INPP4B: variants seen among roughly 807,000 people sequenced by gnomAD.
The protein encoded by INPP4B is inositol polyphosphate 4-phosphatase type II.
In INPP4B, 55 loss-of-function variants were observed where a neutral mutation model predicts 122.5. That is an observed-to-expected ratio of 0.45 (90% CI 0.36 to 0.56). The LOEUF (loss-of-function observed/expected upper bound fraction) is 0.56. INPP4B is among the 20% of genes least tolerant of loss of function. INPP4B has a pLI of 0.00. For synonymous variants in INPP4B, 403 were observed against 388.7 expected, an observed-to-expected ratio of 1.04 and a Z score of -0.43; for missense variants, 1,000 against 1,097.7, an observed-to-expected ratio of 0.91 and a Z score of 1.26.
At chr4:142,404,258 C>T (rs1022262321) in intron 6 of INPP4B, among the ~76,000 whole-genome samples, 6 of 152,152 alleles carry the variant, frequency 3.9e-5, no homozygotes, top group Non-Finnish European at 8.8e-5. Context: ...CAGTCTGAAT[C>T]ATTTATTCCA....
chr4:142,498,146 C>T (rs1419901471), intron 2 of INPP4B, among the ~76,000 whole-genome samples: 1 of 147,578 alleles, frequency 6.8e-6, no homozygotes, highest in Non-Finnish European at 1.5e-5. Flanking sequence ...TGTATACATA[C>T]ATATGTGTAT....
intron 7 of INPP4B, among the ~76,000 whole-genome samples, chr4:142,355,268 T>C (rs1173020137): frequency 4.6e-5 from 7 of 152,038 alleles, no homozygotes; most frequent in African/African-American, 1.7e-4. Context: ...CACCTCTTTA[T>C]AGGAGGAGCT....
At chr4:142,432,729 G>C (rs533145164) in intron 3 of INPP4B, among the ~76,000 whole-genome samples, 121 of 152,118 alleles carry the variant, frequency 8.0e-4, no homozygotes, top group Admixed American at 7.9e-3. Flanking sequence ...TGTGTGACTT[G>C]GACATGAGGA....
Position 142,828,293 on chromosome 4 carries a change from T to G in INPP4B, c.-254+17916A>C, listed in dbSNP as rs573800723. 9.2e-4 allele frequency among the ~76,000 whole-genome samples: 140 copies of G among 152,194 alleles called. 1 individual carries two copies. The highest frequency in any genetic ancestry group is 3.3e-3 in the African/African-American group (137 of 41,544). On this transcript the variant is annotated intron_variant, in intron 1 of 25. Transcript: ENST00000262992. ...TTAAATCTATGTTATGTGGGGTGGA[T>G]GACCTGAGCCCCATATAGCTTACAC...
At chr4:142,060,136 C>T (rs1191989242) in intron 25 of INPP4B, among the ~76,000 whole-genome samples, 3 of 151,966 alleles carry the variant, frequency 2.0e-5, no homozygotes, top group Non-Finnish European at 2.9e-5. Flanking sequence ...GTGAAACTGC[C>T]CCATGGGATT....
chr4:142,242,883 G>A (rs984582126), intron 11 of INPP4B, among the ~76,000 whole-genome samples: 1 of 152,096 alleles, frequency 6.6e-6, no homozygotes, highest in Admixed American at 6.6e-5. Context: ...TTTATGTGTG[G>A]GGGGAGTGGT....
chr4:142,788,538 G>C (rs1351455932), intron 1 of INPP4B, among the ~76,000 whole-genome samples: 1 of 152,052 alleles, frequency 6.6e-6, no homozygotes, highest in African/African-American at 2.4e-5. Flanking sequence ...TACTTCAGTG[G>C]TGATTTGTGA....
chr4:142,549,305 TA>T (rs1727413317), intron 2 of INPP4B, among the ~76,000 whole-genome samples: 1 of 152,032 alleles, frequency 6.6e-6, no homozygotes. Context: ...ACTGTAATGA[TA>T]GGTGGGGTAG....
At chr4:142,113,891 T>C (rs973461010) in intron 21 of INPP4B, among the ~76,000 whole-genome samples, 1 of 152,062 alleles carries the variant, frequency 6.6e-6, no homozygotes. Flanking sequence ...TATACAATCA[T>C]GACAATAATC....
In INPP4B at chr4:142,025,700, G is replaced by A. The variant is rs1331873207; in HGVS notation, c.*3082C>T. On this transcript the variant is annotated 3_prime_UTR_variant, in exon 26 of 26. Transcript: ENST00000262992. ...AAAAGGAAGTATCCTCCATCCAAAT[G>A]CTAGCTTTTAAGCCTTCAGAGTTTT... 6.6e-6 allele frequency: 1 copy of A among 152,152 alleles called. No individual in the cohort carries two copies. The highest frequency in any genetic ancestry group is 1.5e-5 in the Non-Finnish European group (1 of 68,036). The allele number at this position is 152,152 out of a possible 1,614,324, so 9.4% of individuals were successfully genotyped here.
At chr4:142,140,806 A>G (rs17015583) in intron 18 of INPP4B, among the ~76,000 whole-genome samples, 17,858 of 152,228 alleles carry the variant, frequency 0.12, 1,617 homozygotes, top group African/African-American at 0.25. Context: ...GGTCAAATTT[A>G]GCAAGGTTTA....
intron 2 of INPP4B, among the ~76,000 whole-genome samples, chr4:142,684,923 T>C (rs115684020): frequency 0.011 from 1,741 of 152,164 alleles, 31 homozygotes; most frequent in African/African-American, 0.032. Flanking sequence ...AAAAGGTCAG[T>C]TTGAACACTG....
chr4:142,023,567 CA>C lies in INPP4B; in HGVS notation c.*5214del, dbSNP rs1736121643. The C allele has an allele frequency of 6.6e-6, 1 of 152,032 alleles. No individual in the cohort carries two copies. 9.4% of individuals were successfully genotyped at this position (152,032 alleles called of 1,614,324 possible). On this transcript the variant is annotated 3_prime_UTR_variant, in exon 26 of 26. Coordinates refer to ENST00000262992, the MANE Select transcript of INPP4B (RefSeq NM_001101669.3). ...AATGTTGATAGTGACATAAAAACAT[CA>C]CAAGAATTATCTAGATAATATAGCA...
chr4:142,779,152 C>T (rs774831246), intron 1 of INPP4B, among the ~76,000 whole-genome samples: 4 of 152,078 alleles, frequency 2.6e-5, no homozygotes, highest in Non-Finnish European at 5.9e-5. Context: ...GAATCACAGC[C>T]AAATCTCCTT....
chr4:142,179,220 C>T (rs1038430832), intron 15 of INPP4B, among the ~76,000 whole-genome samples: 1 of 152,082 alleles, frequency 6.6e-6, no homozygotes, highest in Non-Finnish European at 1.5e-5. Context: ...CACCTGTAGT[C>T]CCAGCATTTT....
intron 2 of INPP4B, among the ~76,000 whole-genome samples, chr4:142,620,936 C>G: frequency 6.6e-6 from 1 of 151,550 alleles, no homozygotes; most frequent in Admixed American, 6.6e-5. Flanking sequence ...TTATACAAGT[C>G]TATACATGTG....
chr4:142,823,208 T>C (rs1335099201), intron 1 of INPP4B, among the ~76,000 whole-genome samples: 1 of 152,132 alleles, frequency 6.6e-6, no homozygotes, highest in Non-Finnish European at 1.5e-5. Context: ...CCAGAAGTAT[T>C]TGGTGAAGCA....
intron 5 of INPP4B, among the ~76,000 whole-genome samples, chr4:142,423,147 A>G (rs1807299143): frequency 6.6e-6 from 1 of 152,112 alleles, no homozygotes; most frequent in African/African-American, 2.4e-5. Flanking sequence ...GACCAGCAAG[A>G]GAGTAGGATT....
chr4:142,720,797 C>CTATATA (rs1170460036), intron 2 of INPP4B, among the ~76,000 whole-genome samples: 16 of 29,354 alleles, frequency 5.5e-4, no homozygotes, highest in Non-Finnish European at 6.1e-4. Flanking sequence ...CTCTCTCTCT[C>CTATATA]TCTCTCTCTC....
Sources: gnomAD v4.1 joint callset for allele counts (sites outside exome capture counted in the v4.1 genomes callset) on GRCh38, gnomAD v4.1.1 for gene constraint, MANE v1.5 for transcripts, NCBI Gene and HGNC (gene_info 2026-07-23, HGNC 2026-07-21) for gene names.